Variants in FRMD6 observed in about 807,000 individuals in gnomAD.
The protein encoded by FRMD6 is FERM domain containing 6.
A neutral mutation model predicts 73.2 loss-of-function variants in FRMD6; 37 were observed. The ratio of observed to expected loss-of-function variants is 0.51; its 90% confidence interval spans 0.39 to 0.66. The LOEUF (loss-of-function observed/expected upper bound fraction) is 0.66, where lower values mean the gene tolerates loss of function less well. Among genes scored for constraint, FRMD6 ranks in the 30% least tolerant of loss-of-function variants. The pLI is 0.00. For synonymous variants in FRMD6, 273 were observed against 282.2 expected, an observed-to-expected ratio of 0.97 and a Z score of 0.33; for missense variants, 714 against 780.5, an observed-to-expected ratio of 0.91 and a Z score of 1.02.
At chr14:51,659,041 A>G (rs1893031413) in intron 1 of FRMD6, among the ~76,000 whole-genome samples, 1 of 152,192 alleles carries the variant, frequency 6.6e-6, no homozygotes. Flanking sequence ...AAATTACTAC[A>G]GAATAGCGTA....
At chr14:51,575,558 A>G (rs1186656558) in intron 2 of FRMD6, 4 of 152,160 alleles carry the variant, frequency 2.6e-5, no homozygotes, top group African/African-American at 9.7e-5. Context: ...TGTTTTCGTG[A>G]GATATTGTAG....
chr14:51,663,641 T>C (rs2140181727), intron 1 of FRMD6, among the ~76,000 whole-genome samples: 1 of 152,158 alleles, frequency 6.6e-6, no homozygotes, highest in Admixed American at 6.5e-5. Flanking sequence ...TCAGGAAAAA[T>C]AATTAATGGC....
At chr14:51,472,352 G>A in the FRMD6 span, among the ~76,000 whole-genome samples, 1 of 152,058 alleles carries the variant, frequency 6.6e-6, no homozygotes, top group Non-Finnish European at 1.5e-5. Flanking sequence ...CGCCCAGGCT[G>A]GAGTGCAGTG....
At chr14:51,576,859 C>T (rs936393702) in intron 2 of FRMD6, among the ~76,000 whole-genome samples, 2 of 152,142 alleles carry the variant, frequency 1.3e-5, no homozygotes, top group Non-Finnish European at 2.9e-5. Context: ...TTTTCACTGG[C>T]CACATGATGT....
At chr14:51,440,846 G>A in the FRMD6 span, among the ~76,000 whole-genome samples, 1 of 152,178 alleles carries the variant, frequency 6.6e-6, no homozygotes, top group Non-Finnish European at 1.5e-5. Context: ...CTATTTATTA[G>A]TCCCATTCTT....
chr14:51,526,702 A>G (rs916192068), intron 1 of FRMD6, among the ~76,000 whole-genome samples: 2 of 152,188 alleles, frequency 1.3e-5, no homozygotes, highest in Non-Finnish European at 2.9e-5. Context: ...ATATTATCCT[A>G]CATTCTCCAC....
the FRMD6 span, among the ~76,000 whole-genome samples, chr14:51,401,735 A>G: frequency 6.6e-6 from 1 of 152,196 alleles, no homozygotes; most frequent in Non-Finnish European, 1.5e-5. Context: ...CTAATATGAA[A>G]TCACTATACT....
rs1023102559 is a variant in FRMD6, at chr14:51,500,052, C to T, written c.-210+10632C>T. On this transcript the variant is annotated intron_variant, in intron 1 of 14. Coordinates refer to the FRMD6 transcript ENST00000356218. ...TGCTACATCAAGACTTACGATTTTG[C>T]GAAGGTGCCAAGTTTGCATGCAGGG... Among the ~76,000 whole-genome samples, 6 of 152,206 alleles carry T rather than the reference C, an allele frequency of 3.9e-5. No individual in the cohort carries two copies. The South Asian group carries it at 1.2e-3, about 32-fold the overall frequency.
intron 1 of FRMD6, among the ~76,000 whole-genome samples, chr14:51,504,610 C>T (rs918385376): frequency 1.3e-5 from 2 of 152,216 alleles, no homozygotes; most frequent in African/African-American, 4.8e-5. Context: ...ACCCTGTCTA[C>T]TTTTCTCACC....
At chr14:51,605,868 C>G (rs1890237177) in intron 2 of FRMD6, among the ~76,000 whole-genome samples, 2 of 152,124 alleles carry the variant, frequency 1.3e-5, no homozygotes, top group Admixed American at 6.5e-5. Flanking sequence ...GAGCTGTACC[C>G]CCGAGTCTCA....
intron 1 of FRMD6, among the ~76,000 whole-genome samples, chr14:51,684,441 G>A (rs1185635587): frequency 6.6e-6 from 1 of 152,176 alleles, no homozygotes; most frequent in African/African-American, 2.4e-5. Flanking sequence ...AGATTTCTGA[G>A]TTTAGCACTC....
chr14:51,552,370 T>C (rs1041837670), intron 1 of FRMD6, among the ~76,000 whole-genome samples: 1 of 152,260 alleles, frequency 6.6e-6, no homozygotes, highest in Non-Finnish European at 1.5e-5. Context: ...GGGCTTTAAG[T>C]GCAATGTTTT....
At chr14:51,399,958 T>G in the FRMD6 span, among the ~76,000 whole-genome samples, 1 of 146,544 alleles carries the variant, frequency 6.8e-6, no homozygotes, top group South Asian at 2.1e-4. Context: ...TTAGCAAATA[T>G]TCCTTTTTTA....
intron 1 of FRMD6, among the ~76,000 whole-genome samples, chr14:51,538,402 T>TG (rs1243374086): frequency 1.3e-5 from 2 of 152,216 alleles, no homozygotes; most frequent in African/African-American, 4.8e-5. Flanking sequence ...TTAATTTTAA[T>TG]GAAGTTCCAT....
chr14:51,484,752 C>T (rs1882730331), upstream of FRMD6, among the ~76,000 whole-genome samples: 1 of 152,214 alleles, frequency 6.6e-6, no homozygotes, highest in East Asian at 1.9e-4. Context: ...GCCTGTGAAC[C>T]ATGGAGGGAA....
At chr14:51,444,013 C>T in the FRMD6 span, among the ~76,000 whole-genome samples, 1 of 151,426 alleles carries the variant, frequency 6.6e-6, no homozygotes, top group Non-Finnish European at 1.5e-5. Flanking sequence ...ACTGCAACCT[C>T]CACCTCCCAG....
intron 1 of FRMD6, among the ~76,000 whole-genome samples, chr14:51,502,766 T>G (rs911764399): frequency 6.6e-6 from 1 of 152,200 alleles, no homozygotes; most frequent in Non-Finnish European, 1.5e-5. Context: ...GGAATAGCAG[T>G]GATTATATAA....
chr14:51,425,958 G>A, the FRMD6 span, among the ~76,000 whole-genome samples: 1 of 152,144 alleles, frequency 6.6e-6, no homozygotes, highest in Non-Finnish European at 1.5e-5. Context: ...CAGTGATTAT[G>A]TGCTGAATGA....
At chr14:51,532,682 C>T (rs536552086) in intron 1 of FRMD6, among the ~76,000 whole-genome samples, 24 of 152,220 alleles carry the variant, frequency 1.6e-4, no homozygotes, top group African/African-American at 5.3e-4. Flanking sequence ...TGAAGACGTC[C>T]TTCCTATATA....
Sources: gnomAD v4.1 joint callset for allele counts (sites outside exome capture counted in the v4.1 genomes callset) on GRCh38, gnomAD v4.1.1 for gene constraint, MANE v1.5 for transcripts, NCBI Gene and HGNC (gene_info 2026-07-23, HGNC 2026-07-21) for gene names.